The following TTC34 variants were observed in gnomAD, a reference collection of about 807,000 sequenced individuals.
TTC34 encodes tetratricopeptide repeat domain 34.
Under a neutral mutation model 40.7 loss-of-function variants are expected in TTC34, and 44 were observed. The observed-to-expected ratio is 1.08, with a 90% CI of 0.85 to 1.39. The LOEUF is 1.39. Among genes scored for constraint, TTC34 ranks in the 40% most tolerant of loss-of-function variants. TTC34 has a pLI of 0.00. For missense variants in TTC34, 884 were observed against 838.0 expected (o/e 1.05, Z -0.68); for synonymous variants, 422 against 398.6 (o/e 1.06, Z -0.70).
chr1:2,688,137 A>C (rs1230942757), intron 6 of TTC34, among the ~76,000 whole-genome samples: 2 of 149,402 alleles, frequency 1.3e-5, no homozygotes, highest in African/African-American at 4.9e-5. Context: ...CCCCCAGGCG[A>C]GCATCTGACG....
In TTC34 at chr1:2,787,724, CA is replaced by C. The variant is rs750466945; in HGVS notation, c.1629-19del. On this transcript the variant is annotated intron_variant, in intron 3 of 8. Transcript: ENST00000401095. ...AGGCGACCCTGTGTGGAGATCAGCT[CA>C]GGGGGGCATGCCCCTTTTGACAACC... 4.6e-6 allele frequency: 7 copies of C among 1,509,884 alleles called. No homozygotes were observed. The highest frequency in any genetic ancestry group is 3.7e-5 in the South Asian group (3 of 80,726). The allele number at this position is 1,509,884 out of a possible 1,614,324, so 93.5% of individuals were successfully genotyped here.
intron 6 of TTC34, among the ~76,000 whole-genome samples, chr1:2,672,957 C>T: frequency 3.1e-4 from 2 of 6,474 alleles, no homozygotes; most frequent in Non-Finnish European, 7.8e-4. Flanking sequence ...CGCTGCCCCC[C>T]CAGGTGAGCA....
intron 6 of TTC34, among the ~76,000 whole-genome samples, chr1:2,696,740 T>G (rs1306411799): frequency 1.2e-5 from 1 of 85,484 alleles, no homozygotes; most frequent in African/African-American, 4.0e-5. Context: ...ACATCCGACA[T>G]CGTGGAGCAG....
intron 6 of TTC34, among the ~76,000 whole-genome samples, chr1:2,688,435 G>C: frequency 6.6e-6 from 1 of 151,044 alleles, no homozygotes; most frequent in Non-Finnish European, 1.5e-5. Flanking sequence ...CGACAGCCTG[G>C]AGCAGGACCC....
intron 3 of TTC34, among the ~76,000 whole-genome samples, chr1:2,788,323 T>G (rs947102623): frequency 6.6e-6 from 1 of 151,480 alleles, no homozygotes; most frequent in African/African-American, 2.4e-5. Context: ...GTGTGTTGTA[T>G]GTGTGTTATG....
At chr1:2,791,482 A>T (rs1013056783) in intron 2 of TTC34, among the ~76,000 whole-genome samples, 1 of 152,166 alleles carries the variant, frequency 6.6e-6, no homozygotes, top group African/African-American at 2.4e-5. Flanking sequence ...GATTCTGGAG[A>T]GGGCAAAATA....
intron 6 of TTC34, among the ~76,000 whole-genome samples, chr1:2,685,230 C>T (rs1345836645): frequency 4.1e-5 from 3 of 73,606 alleles, no homozygotes; most frequent in Admixed American, 1.4e-4. Flanking sequence ...CGTGGAGCAG[C>T]ACCCACACCC....
At chr1:2,779,280 G>A (rs1296732175) in intron 6 of TTC34, among the ~76,000 whole-genome samples, 1 of 152,072 alleles carries the variant, frequency 6.6e-6, no homozygotes, top group Non-Finnish European at 1.5e-5. Flanking sequence ...TATTTTGGAT[G>A]TAGACCCAGA....
intron 6 of TTC34, among the ~76,000 whole-genome samples, chr1:2,749,544 G>T (rs1259734933): frequency 1.9e-5 from 1 of 51,574 alleles, no homozygotes; most frequent in Non-Finnish European, 3.4e-5. Context: ...GCATCTGAAC[G>T]CAAATAGCAG....
chr1:2,779,164 A>T (rs1412223652), intron 6 of TTC34, among the ~76,000 whole-genome samples: 1 of 152,180 alleles, frequency 6.6e-6, no homozygotes, highest in East Asian at 1.9e-4. Flanking sequence ...TTATCCACCC[A>T]TCCATCGGTG....
At chr1:2,769,901 C>T (rs961180634) in intron 6 of TTC34, among the ~76,000 whole-genome samples, 2 of 74,016 alleles carry the variant, frequency 2.7e-5, no homozygotes, top group Admixed American at 2.6e-4. Context: ...CATCCTGGAG[C>T]TGCACCCATA....
intron 6 of TTC34, among the ~76,000 whole-genome samples, chr1:2,682,118 C>T (rs28529086): frequency 6.9e-6 from 1 of 143,934 alleles, no homozygotes; most frequent in African/African-American, 2.6e-5. Flanking sequence ...CCCAGGTGAG[C>T]ATCTGACAGC....
chr1:2,759,957 C>CT (rs1641641033), intron 6 of TTC34, among the ~76,000 whole-genome samples: 11 of 29,400 alleles, frequency 3.7e-4, no homozygotes, highest in African/African-American at 6.6e-4. Context: ...GAAAGGCACC[C>CT]ACACCACCAG....
At position 2,768,176 on chromosome 1, in the gene TTC34, G is replaced by A. The variant is rs574844299; in HGVS notation, c.2226+15433C>T. ...GATCAACACTCGAACCTTCAGGTGA[G>A]CATCTGACAGCCTGGAGCAGCAGTG... On this transcript the variant is annotated intron_variant, in intron 6 of 8. Transcript: ENST00000401095. Among the ~76,000 whole-genome samples, 76 of 151,942 alleles carry A rather than the reference G, an allele frequency of 5.0e-4. 2 individuals carry two copies. Among genetic ancestry groups the A allele is most frequent in the African/African-American group, 1.4e-3 (60 of 41,496 alleles).
Position 2,785,849 on chromosome 1 carries a change from C to T in TTC34, c.2029G>A (p.Ala677Thr), listed in dbSNP as rs978797206. ...GCAAAGATGGCCAGAGACAGGTAGG[C>T]GATGGCCTCCTTGGTGTGAACCCTG... The change falls in exon 5 of 9, where the codon GCC (alanine) becomes ACC (threonine). Residue 677 changes from alanine (A) to threonine (T), a missense_variant. Coordinates refer to ENST00000401095, the Ensembl canonical transcript of TTC34. 4.0e-5 allele frequency: 62 copies of T among 1,544,142 alleles called. No individual in the cohort carries two copies. Among genetic ancestry groups the T allele is most frequent in the Non-Finnish European group, 4.9e-5 (56 of 1,143,716 alleles).
At chr1:2,692,374 G>T (rs1640660198) in intron 6 of TTC34, among the ~76,000 whole-genome samples, 1 of 70,552 alleles carries the variant, frequency 1.4e-5, no homozygotes, top group African/African-American at 4.7e-5. Context: ...GCCTGGAGCA[G>T]CGTCCACACC....
intron 6 of TTC34, among the ~76,000 whole-genome samples, chr1:2,653,206 C>G (rs4648674): frequency 0.078 from 3,577 of 45,942 alleles, no homozygotes; most frequent in East Asian, 0.11. Flanking sequence ...AGAACCCACA[C>G]CCCCAGGTGA....
chr1:2,677,934 C>A (rs1459207815), intron 6 of TTC34, among the ~76,000 whole-genome samples: 8 of 48,088 alleles, frequency 1.7e-4, no homozygotes, highest in South Asian at 1.1e-3. Context: ...ACCCTGCACC[C>A]CCAGGTGAGC....
chr1:2,686,547 G>T (rs556599347), intron 6 of TTC34, among the ~76,000 whole-genome samples: 1 of 119,042 alleles, frequency 8.4e-6, no homozygotes. Flanking sequence ...TGACAGCCTG[G>T]AACAGCACGC....
Sources: gnomAD v4.1 joint callset for allele counts (sites outside exome capture counted in the v4.1 genomes callset) on GRCh38, gnomAD v4.1.1 for gene constraint, MANE v1.5 for transcripts, NCBI Gene and HGNC (gene_info 2026-07-23, HGNC 2026-07-21) for gene names.